CALCR: variants seen among roughly 807,000 people sequenced by gnomAD.
CALCR encodes calcitonin receptor.
Under a neutral mutation model 59.5 loss-of-function variants are expected in CALCR, and 47 were observed. The ratio of observed to expected loss-of-function variants is 0.79; its 90% CI spans 0.63 to 1.01. CALCR has a LOEUF of 1.01. Ranked by LOEUF, CALCR falls within the 50% of genes least tolerant of loss-of-function variation. The pLI, the probability that CALCR is intolerant of heterozygous loss-of-function variation, is 0.00. For missense variants in CALCR, 566 were observed against 597.1 expected (o/e 0.95, Z 0.54); for synonymous variants, 213 against 211.3 (o/e 1.01, Z -0.07).
At chr7:93,546,593 A>G (rs904648184) in intron 2 of CALCR, among the ~76,000 whole-genome samples, 2 of 148,280 alleles carry the variant, frequency 1.3e-5, no homozygotes, top group South Asian at 4.2e-4. Flanking sequence ...TTTTTTTTAG[A>G]CAGGGTGGAG....
chr7:93,497,169 A>G (rs550881232), intron 2 of CALCR, among the ~76,000 whole-genome samples: 3 of 151,568 alleles, frequency 2.0e-5, no homozygotes, highest in Non-Finnish European at 3.0e-5. Context: ...AAGAGAAATA[A>G]TTCAGATGAT....
chr7:93,479,878 C>T (rs986149969), intron 3 of CALCR, among the ~76,000 whole-genome samples: 1 of 151,812 alleles, frequency 6.6e-6, no homozygotes, highest in East Asian at 1.9e-4. Context: ...CTTTGCCTTA[C>T]TCTTAAGAAT....
At chr7:93,558,169 G>T (rs1789655579) in intron 2 of CALCR, among the ~76,000 whole-genome samples, 1 of 148,008 alleles carries the variant, frequency 6.8e-6, no homozygotes, top group African/African-American at 2.5e-5. Context: ...TCTTACTGAT[G>T]AAATTAATCA....
intron 2 of CALCR, among the ~76,000 whole-genome samples, chr7:93,532,777 T>C (rs535914281): frequency 1.0e-4 from 15 of 143,694 alleles, no homozygotes; most frequent in African/African-American, 3.8e-4. Flanking sequence ...CCAAGAGGAC[T>C]TCTGCAGGAA....
chr7:93,517,593 A>G (rs1010261446), intron 2 of CALCR, among the ~76,000 whole-genome samples: 4 of 151,944 alleles, frequency 2.6e-5, no homozygotes, highest in Non-Finnish European at 4.4e-5. Context: ...GGTGAACTAT[A>G]TGGAAAGAAA....
chr7:93,435,082 G>T (rs1188245096), intron 12 of CALCR, among the ~76,000 whole-genome samples: 1 of 152,134 alleles, frequency 6.6e-6, no homozygotes, highest in African/African-American at 2.4e-5. Context: ...TCTGGGTAAA[G>T]GTGAATGGAA....
intron 2 of CALCR, among the ~76,000 whole-genome samples, chr7:93,571,014 A>G (rs1789992609): frequency 6.6e-6 from 1 of 152,132 alleles, no homozygotes; most frequent in Non-Finnish European, 1.5e-5. Flanking sequence ...AAGATCTCAA[A>G]CCTCTCTATA....
At chr7:93,563,497 C>A (rs993703605) in intron 2 of CALCR, among the ~76,000 whole-genome samples, 1 of 152,086 alleles carries the variant, frequency 6.6e-6, no homozygotes, top group South Asian at 2.1e-4. Flanking sequence ...TTGCATTTGA[C>A]TCTAATTTTT....
chr7:93,562,902 AC>A (rs1789780612), intron 2 of CALCR, among the ~76,000 whole-genome samples: 1 of 152,214 alleles, frequency 6.6e-6, no homozygotes, highest in African/African-American at 2.4e-5. Context: ...AAAGCTTTGG[AC>A]TAAAGCATGT....
chr7:93,547,861 C>G (rs1263688551), intron 2 of CALCR, among the ~76,000 whole-genome samples: 1 of 152,006 alleles, frequency 6.6e-6, no homozygotes, highest in African/African-American at 2.4e-5. Context: ...GAACATTGTA[C>G]GGGGGGTAGT....
intron 2 of CALCR, among the ~76,000 whole-genome samples, chr7:93,510,803 A>T (rs939838941): frequency 1.3e-5 from 2 of 152,126 alleles, no homozygotes; most frequent in African/African-American, 4.8e-5. Context: ...TCAAAGCTGC[A>T]GTGAGCTATG....
intron 8 of CALCR, among the ~76,000 whole-genome samples, chr7:93,449,383 T>C (rs1026168339): frequency 6.6e-6 from 1 of 152,054 alleles, no homozygotes; most frequent in Non-Finnish European, 1.5e-5. Context: ...GTTGGTTAAA[T>C]TGGCCAGGTT....
At chr7:93,444,741 C>T (rs1025323385) in intron 8 of CALCR, among the ~76,000 whole-genome samples, 20 of 152,102 alleles carry the variant, frequency 1.3e-4, no homozygotes, top group African/African-American at 3.4e-4. Flanking sequence ...ATAATGACAA[C>T]GGAATTTAGC....
At chr7:93,546,344 T>C (rs1001928639) in intron 2 of CALCR, among the ~76,000 whole-genome samples, 1 of 152,168 alleles carries the variant, frequency 6.6e-6, no homozygotes, top group Non-Finnish European at 1.5e-5. Context: ...TGTGACTGAT[T>C]ACCCTTTATC....
chr7:93,482,468 T>C (rs1800820025), intron 3 of CALCR, among the ~76,000 whole-genome samples: 6 of 151,818 alleles, frequency 4.0e-5, no homozygotes, highest in Admixed American at 1.3e-4. Context: ...GTCACTTGTA[T>C]TAGATATGCT....
chr7:93,450,868 G>C (rs1800094608), intron 8 of CALCR, among the ~76,000 whole-genome samples: 2 of 151,830 alleles, frequency 1.3e-5, no homozygotes, highest in Admixed American at 6.6e-5. Flanking sequence ...TGAAAATTAT[G>C]GTAGTAGGAT....
At position 93,559,249 on chromosome 7, in the gene CALCR, G is replaced by A. The variant is rs150312645; in HGVS notation, c.-27+15040C>T. Among the ~76,000 whole-genome samples, 328 of 152,126 alleles carry A rather than the reference G, an allele frequency of 2.2e-3. 5 individuals are homozygous for A. Among genetic ancestry groups the A allele is most frequent in the African/African-American group, 7.5e-3 (310 of 41,522 alleles). On this transcript the variant is annotated intron_variant, in intron 2 of 13. Coordinates refer to ENST00000426151, the MANE Select transcript of CALCR (RefSeq NM_001742.4). ...ACCCAGATTCACACACACAAACCAG[G>A]CTGTCCAAAGCACAGTCCTGCTTAA...
At chr7:93,530,355 GTTTGT>G (rs1385069917) in intron 2 of CALCR, among the ~76,000 whole-genome samples, 1 of 152,086 alleles carries the variant, frequency 6.6e-6, no homozygotes, top group African/African-American at 2.4e-5. Context: ...ACCAGTTTTT[GTTTGT>G]TTTGTTTTGT....
intron 13 of CALCR, among the ~76,000 whole-genome samples, chr7:93,431,072 T>G (rs1421144162): frequency 1.3e-5 from 2 of 152,102 alleles, no homozygotes; most frequent in Non-Finnish European, 2.9e-5. Flanking sequence ...TAGAATATGA[T>G]ATAGGTAGAG....
Sources: gnomAD v4.1 joint callset for allele counts (sites outside exome capture counted in the v4.1 genomes callset) on GRCh38, gnomAD v4.1.1 for gene constraint, MANE v1.5 for transcripts, NCBI Gene and HGNC (gene_info 2026-07-23, HGNC 2026-07-21) for gene names.